Variants in SESN2 observed in about 807,000 individuals in gnomAD.
The protein encoded by SESN2 is sestrin-2.
Under a neutral mutation model 56.0 loss-of-function variants are expected in SESN2, and 42 were observed. That is an observed-to-expected ratio of 0.75 (90% CI 0.59 to 0.97). The LOEUF (loss-of-function observed/expected upper bound fraction) is 0.97, where lower values mean the gene tolerates loss of function less well. Ranked by LOEUF, SESN2 falls within the 50% of genes least tolerant of loss-of-function variation. The pLI, the probability that SESN2 is intolerant of heterozygous loss-of-function variation, is 0.00. For missense variants in SESN2, 507 were observed against 649.4 expected (o/e 0.78, Z 2.38); for synonymous variants, 264 against 267.1 (o/e 0.99, Z 0.11).
intron 8 of SESN2, among the ~76,000 whole-genome samples, chr1:28,278,886 C>T (rs556546114): frequency 2.6e-5 from 4 of 152,210 alleles, no homozygotes; most frequent in African/African-American, 4.8e-5. Flanking sequence ...CATGCTCATT[C>T]TCTGCATTCC....
intron 6 of SESN2, 52 bp from the exon 7 acceptor site, chr1:28,273,988 C>A (rs1266703354): frequency 7.7e-6 from 9 of 1,161,610 alleles, no homozygotes; most frequent in Non-Finnish European, 1.2e-5. Flanking sequence ...CAGGAATGGA[C>A]CCCTGCATGC....
chr1:28,260,219 C>T (rs1247749896), intron 1 of SESN2, among the ~76,000 whole-genome samples: 1 of 151,620 alleles, frequency 6.6e-6, no homozygotes, highest in Non-Finnish European at 1.5e-5. Context: ...TCCTCGGCTC[C>T]CTCGGACTCC....
At chr1:28,275,756 A>G (rs1648013668) in intron 8 of SESN2, among the ~76,000 whole-genome samples, 1 of 140,964 alleles carries the variant, frequency 7.1e-6, no homozygotes, top group African/African-American at 2.7e-5. Flanking sequence ...TGTCTCAAAA[A>G]AAAAATTACA....
intron 1 of SESN2, among the ~76,000 whole-genome samples, chr1:28,261,537 A>G (rs1301373970): frequency 6.6e-6 from 1 of 152,132 alleles, no homozygotes; most frequent in Non-Finnish European, 1.5e-5. Flanking sequence ...TGTGACTGGA[A>G]CATAGTAACT....
Position 28,279,133 on chromosome 1 carries a change from C to T in SESN2, c.1248C>T (p.Leu416=). The change falls in exon 9 of 10, where the codon CTC becomes CTT. Residue 416 remains leucine (L), a synonymous_variant. Transcript: ENST00000253063. ...DDYDYGEVNQ[L]LERNLKVYIK... ...ATGATTATGGGGAGGTGAACCAGCT[C>T]CTGGAGCGGAACCTCAAGGTCTATA... 1 of 1,614,070 alleles carries T rather than the reference C, an allele frequency of 6.2e-7. No homozygotes were observed.
chr1:28,281,576 A>T lies in SESN2; in HGVS notation c.*774A>T, dbSNP rs528758172. On this transcript the variant is annotated 3_prime_UTR_variant, in exon 10 of 10. Coordinates refer to ENST00000253063, the MANE Select transcript of SESN2 (RefSeq NM_031459.5). ...TTGGTCCTTTATGCTTGAGGTTCCA[A>T]CCTGGAGCCACAGTGTGTGAGAGGA... The T allele has an allele frequency of 6.6e-6, 1 of 152,104 alleles. No homozygotes were observed. The allele number at this position is 152,104 out of a possible 1,614,324, so 9.4% of individuals were successfully genotyped here.
At chr1:28,262,813 A>G (rs747773482) in intron 1 of SESN2, among the ~76,000 whole-genome samples, 3 of 151,864 alleles carry the variant, frequency 2.0e-5, no homozygotes, top group African/African-American at 2.4e-5. Flanking sequence ...CTGTACTCCC[A>G]GCTACTCCGG....
chr1:28,270,152 C>A (rs1361760714), intron 2 of SESN2, among the ~76,000 whole-genome samples: 1 of 152,128 alleles, frequency 6.6e-6, no homozygotes, highest in African/African-American at 2.4e-5. Context: ...GAGATCGAGA[C>A]CATCCTGGCT....
At position 28,282,210 on chromosome 1, in the gene SESN2, G is replaced by A. The variant is rs79516637; in HGVS notation, c.*1408G>A. 6,863 of 152,652 alleles carry A rather than the reference G, an allele frequency of 0.045. 217 individuals are homozygous for A. Among genetic ancestry groups the A allele is most frequent in the Middle Eastern group, 0.088 (26 of 296 alleles). 9.5% of individuals were successfully genotyped at this position (152,652 alleles called of 1,614,324 possible). A position where few individuals can be genotyped will look rare whatever the true frequency, so the allele number is the denominator to read the frequency against. On this transcript the variant is annotated 3_prime_UTR_variant, in exon 10 of 10. Coordinates refer to ENST00000253063, the MANE Select transcript of SESN2 (RefSeq NM_031459.5). ...GGCAAGGGCCGTGCTGCTGCTGGGC[G>A]GGGCAGGAGAGGAGCCTGGCCAGTG... is the stretch of plus-strand genomic sequence containing the variant.
At chr1:28,272,153 T>A in intron 3 of SESN2, 131 bp from the exon 4 acceptor site, 2 of 970,904 alleles carry the variant, frequency 2.1e-6, no homozygotes, top group Non-Finnish European at 3.1e-6. Context: ...AGAGCTGGGG[T>A]TACTTAGAAC....
chr1:28,272,001 T>C, intron 3 of SESN2, 130 bp downstream of exon 3: 2 of 967,872 alleles, frequency 2.1e-6, no homozygotes, highest in Admixed American at 2.7e-5. Flanking sequence ...TATCTAACTG[T>C]AGAGTTTTGG....
At position 28,279,195 on chromosome 1, in the gene SESN2, G is replaced by A. The variant is rs143630873; in HGVS notation, c.1310G>A (p.Arg437Gln). ...TVACYPEKTT[R>Q]RMYNLFWRHF... ...GCCTGCTACCCAGAGAAGACCACCC[G>A]AAGAATGTACAACCTCTTCTGGAGG... is the stretch of plus-strand genomic sequence containing the variant. The change falls in exon 9 of 10, where the codon CGA (arginine) becomes CAA (glutamine). Residue 437 changes from arginine to glutamine, a missense_variant. By Grantham distance (43) the Arg-to-Gln change is conservative. Transcript: ENST00000253063. 7.1e-5 allele frequency: 115 copies of A among 1,614,050 alleles called. No individual in the cohort carries two copies. Among genetic ancestry groups the A allele is most frequent in the Middle Eastern group, 1.6e-4 (1 of 6,080 alleles).
Position 28,259,952 on chromosome 1 carries a change from C to G in SESN2, c.90+15C>G. ...GCCCCGGAGAGGTAAGCGGCGGCCGCGCGACGCCCCTCTTCCCTGGAACCC... is the reference window on the plus strand; with the variant it reads ...GCCCCGGAGAGGTAAGCGGCGGCCGGGCGACGCCCCTCTTCCCTGGAACCC... On this transcript the variant is annotated intron_variant, in intron 1 of 9. Transcript: ENST00000253063. 1.3e-6 allele frequency: 2 copies of G among 1,492,074 alleles called. No individual in the cohort carries two copies. Among genetic ancestry groups the G allele is most frequent in the Non-Finnish European group, 1.8e-6 (2 of 1,125,334 alleles). 92.4% of individuals were successfully genotyped at this position (1,492,074 alleles called of 1,614,324 possible). A position where few individuals can be genotyped will look rare whatever the true frequency, so the allele number is the denominator to read the frequency against.
At chr1:28,270,859 G>C (rs1452040369) in intron 2 of SESN2, among the ~76,000 whole-genome samples, 1 of 152,038 alleles carries the variant, frequency 6.6e-6, no homozygotes, top group African/African-American at 2.4e-5. Context: ...GTGAGCCACC[G>C]TGCCCAGCCC....
rs17357180 is a variant in SESN2 at position 28,281,289 on chromosome 1, G to C, written c.*487G>C. Reference sequence around the variant, plus strand: ...CATTCACCCATCAATGTGAAAGTCAGGGTCACAGCTGGTCTGTGTGTCCAG... The same window carrying C: ...CATTCACCCATCAATGTGAAAGTCACGGTCACAGCTGGTCTGTGTGTCCAG... On this transcript the variant is annotated 3_prime_UTR_variant, in exon 10 of 10. Coordinates refer to ENST00000253063, the MANE Select transcript of SESN2 (RefSeq NM_031459.5). 0.028 allele frequency: 4,352 copies of C among 156,896 alleles called. 100 individuals carry two copies. Among genetic ancestry groups the C allele is most frequent in the Middle Eastern group, 0.051 (16 of 316 alleles). The allele number at this position is 156,896 out of a possible 1,614,324, so 9.7% of individuals were successfully genotyped here.
In SESN2 at chr1:28,259,572, G is replaced by T. The variant is rs962187429; in HGVS notation, c.-276G>T. ...GAGCGCTGGGTCCGGGAGCAGCCCT[G>T]GCCCCTGCGGACTTCCGAGGCCGTG... On this transcript the variant is annotated 5_prime_UTR_variant, in exon 1 of 10. Transcript: ENST00000253063. 4.3e-5 allele frequency: 16 copies of T among 373,476 alleles called. No individual in the cohort carries two copies. The highest frequency in any genetic ancestry group is 3.1e-4 in the African/African-American group (15 of 47,704). 23.1% of individuals were successfully genotyped at this position (373,476 alleles called of 1,614,324 possible). A position where few individuals can be genotyped will look rare whatever the true frequency, so the allele number is the denominator to read the frequency against.
intron 3 of SESN2, 111 bp downstream of exon 3, chr1:28,271,982 C>T (rs1346300568): frequency 1.8e-6 from 2 of 1,097,000 alleles, no homozygotes; most frequent in Non-Finnish European, 2.7e-6. Flanking sequence ...GCAGGGAAAG[C>T]CCTGGCTTTA....
chr1:28,264,171 T>C (rs1028730646), intron 1 of SESN2, among the ~76,000 whole-genome samples: 2 of 151,698 alleles, frequency 1.3e-5, no homozygotes, highest in African/African-American at 2.4e-5. Context: ...ATACAAAAAT[T>C]AGCCGGGCTT....
intron 4 of SESN2, 30 bp from the exon 5 acceptor site, chr1:28,272,551 A>G: frequency 6.2e-7 from 1 of 1,611,682 alleles, no homozygotes; most frequent in Non-Finnish European, 8.5e-7. Context: ...GGCACTGAGC[A>G]GCTCTGACCT....
Sources: gnomAD v4.1 joint callset for allele counts (sites outside exome capture counted in the v4.1 genomes callset) on GRCh38, gnomAD v4.1.1 for gene constraint, MANE v1.5 for transcripts, NCBI Gene and HGNC (gene_info 2026-07-23, HGNC 2026-07-21) for gene names.